ZNF383: variants seen among roughly 807,000 people sequenced by gnomAD.
ZNF383 encodes zinc finger protein 383.
In ZNF383, 32 loss-of-function variants were observed where a neutral mutation model predicts 44.2. The ratio of observed to expected loss-of-function variants is 0.72; its 90% confidence interval spans 0.55 to 0.97. ZNF383 has a LOEUF of 0.97. Among genes scored for constraint, ZNF383 ranks in the 50% least tolerant of loss-of-function variants. The pLI is 0.00. For missense variants in ZNF383, 487 were observed against 562.5 expected, an observed-to-expected ratio of 0.87 and a Z score of 1.36; for synonymous variants, 155 against 186.2, an observed-to-expected ratio of 0.83 and a Z score of 1.36.
At position 37,247,606 on chromosome 19, in the gene ZNF383, C is replaced by T. The variant is rs1188444171; in HGVS notation, c.*3942C>T. The T allele has an allele frequency of 6.6e-6, 1 of 151,708 alleles. No individual in the cohort carries two copies. 9.4% of individuals were successfully genotyped at this position (151,708 alleles called of 1,614,324 possible). ...TTGGGAGGCTGAGGTAGGAGAATGG[C>T]TTGAGGCCAGGAGTTCAAGACCAGT... is the stretch of plus-strand genomic sequence containing the variant. On this transcript the variant is annotated 3_prime_UTR_variant, in exon 6 of 6. Transcript: ENST00000684119.
intron 2 of ZNF383, chr19:37,227,461 C>T (rs1270718712): frequency 6.6e-6 from 1 of 152,218 alleles, no homozygotes; most frequent in East Asian, 1.9e-4. Flanking sequence ...TTGTTAATAT[C>T]ACTATATAAT....
At chr19:37,236,593 C>T (rs1568528682) in intron 5 of ZNF383, among the ~76,000 whole-genome samples, 2 of 146,432 alleles carry the variant, frequency 1.4e-5, no homozygotes, top group African/African-American at 5.1e-5. Context: ...TTTTTTGAGA[C>T]GGAGTCTCGC....
rs542205012 is a variant in ZNF383, at chr19:37,248,566, A to G, written c.*4902A>G. ...ACCAAATAGATGTGGATAGCATGGGATTTTTGGAATACAAGATAAGATAAT... is the reference window on the plus strand; with the variant it reads ...ACCAAATAGATGTGGATAGCATGGGGTTTTTGGAATACAAGATAAGATAAT... On this transcript the variant is annotated 3_prime_UTR_variant, in exon 6 of 6. Transcript: ENST00000684119. 1 of 152,334 alleles carries G rather than the reference A, an allele frequency of 6.6e-6. No individual in the cohort carries two copies. Among genetic ancestry groups the G allele is most frequent in the African/African-American group, 2.4e-5 (1 of 41,580 alleles). The allele number at this position is 152,334 out of a possible 1,614,324, so 9.4% of individuals were successfully genotyped here. A position where few individuals can be genotyped will look rare whatever the true frequency, so the allele number is the denominator to read the frequency against.
chr19:37,230,360 G>C, intron 2 of ZNF383, 49 bp from the exon 3 acceptor site: 1 of 1,345,576 alleles, frequency 7.4e-7, no homozygotes, highest in Non-Finnish European at 1.1e-6. Context: ...GATTTCTAGA[G>C]GGTTTTACTT....
Position 37,236,094 on chromosome 19 carries a change from A to G in ZNF383, c.232+20A>G. ...GTTCAGGTAAGTGAGAAATGACCGG[A>G]CAGGAGAAAGTCACGATAGGTCAGA... On this transcript the variant is annotated intron_variant, in intron 5 of 5. Transcript: ENST00000684119. 1 of 1,603,598 alleles carries G rather than the reference A, an allele frequency of 6.2e-7. No individual in the cohort carries two copies. The highest frequency in any genetic ancestry group is 8.5e-7 in the Non-Finnish European group (1 of 1,172,620).
At chr19:37,221,898 A>G (rs1052973471) in intron 1 of ZNF383, among the ~76,000 whole-genome samples, 14 of 149,668 alleles carry the variant, frequency 9.4e-5, no homozygotes, top group Admixed American at 6.7e-5. Flanking sequence ...GGAGCTTGCA[A>G]TGAGCCAAGA....
At chr19:37,230,304 C>A in intron 2 of ZNF383, 105 bp from the exon 3 acceptor site, 1 of 718,320 alleles carries the variant, frequency 1.4e-6, no homozygotes, top group Non-Finnish European at 2.4e-6. Flanking sequence ...GGAGTTGTAT[C>A]TCAAGACCAA....
In ZNF383 at chr19:37,227,981, A is replaced by G. The variant is rs998795598; in HGVS notation, c.-45-2428A>G. On this transcript the variant is annotated intron_variant, in intron 2 of 5. Transcript: ENST00000684119. ...ACCAGGAGCGTGACCGCTGAAGCAC[A>G]GCATCACAGGAAGACAGGCCTCTGG... Among the ~76,000 whole-genome samples the G allele has an allele frequency of 2.6e-5, 4 of 152,258 alleles. No homozygotes were observed. The East Asian group carries it at 7.7e-4, about 29-fold the overall frequency.
In ZNF383 at chr19:37,242,768, G is replaced by A. The variant is rs752492789; in HGVS notation, c.532G>A (p.Ala178Thr). Residue 178 changes from alanine (A) to threonine (T), a missense_variant, in exon 6 of 6, where the codon GCC (alanine) becomes ACC (threonine). Coordinates refer to ENST00000684119, the MANE Select transcript of ZNF383 (RefSeq NM_001387601.1). ...CTATGAATGTAAGAAATGTGGAAAG[G>A]CCTTTAGTCAGAACTCACAATTTAT... ...RPYECKKCGK[A>T]FSQNSQFIQH... 17 of 1,613,968 alleles carry A rather than the reference G, an allele frequency of 1.1e-5. No individual in the cohort carries two copies. The highest frequency in any genetic ancestry group is 1.4e-5 in the Non-Finnish European group (16 of 1,180,004).
At chr19:37,221,781 T>TAA (rs71177434) in intron 1 of ZNF383, among the ~76,000 whole-genome samples, 24,723 of 136,986 alleles carry the variant, frequency 0.18, 2,272 homozygotes, top group East Asian at 0.26. Flanking sequence ...CGTCTCTACT[T>TAA]AAAAAAAAAA....
rs943700575 is a variant in ZNF383 at position 37,241,890 on chromosome 19, T to C, written c.233-579T>C. Reference sequence around the variant, plus strand: ...ACTTCATGTTACACATATTGTATGATATACTTATCTCTTATGTACACACGC... The same window carrying C: ...ACTTCATGTTACACATATTGTATGACATACTTATCTCTTATGTACACACGC... On this transcript the variant is annotated intron_variant, in intron 5 of 5. Coordinates refer to ENST00000684119, the MANE Select transcript of ZNF383 (RefSeq NM_001387601.1). Among the ~76,000 whole-genome samples, 4 of 150,630 alleles carry C rather than the reference T, an allele frequency of 2.7e-5. No individual in the cohort carries two copies. In the Admixed American group the frequency reaches 2.7e-4, roughly 10 times the overall value.
chr19:37,229,215 C>T (rs1175605379), intron 2 of ZNF383, among the ~76,000 whole-genome samples: 1 of 138,876 alleles, frequency 7.2e-6, no homozygotes, highest in East Asian at 2.1e-4. Context: ...AGTGCAATGG[C>T]GTGATCTCGG....
chr19:37,234,915 A>G (rs1973705742), intron 3 of ZNF383, among the ~76,000 whole-genome samples: 1 of 152,024 alleles, frequency 6.6e-6, no homozygotes, highest in South Asian at 2.1e-4. Flanking sequence ...GCTCTTGTGG[A>G]TTTCGTGAAA....
At chr19:37,238,080 C>T (rs1335922306) in intron 5 of ZNF383, among the ~76,000 whole-genome samples, 1 of 151,844 alleles carries the variant, frequency 6.6e-6, no homozygotes, top group Non-Finnish European at 1.5e-5. Context: ...CCAGGCTGGT[C>T]TCTAACTCCT....
rs1277608470 is a variant in ZNF383 at position 37,246,898 on chromosome 19, T to C, written c.*3234T>C. ...GAAGAGATTATAAAATTTTTTCTAA[T>C]ATTTCCCCCCAAAATGCAGAAAACA... On this transcript the variant is annotated 3_prime_UTR_variant, in exon 6 of 6. Coordinates refer to ENST00000684119, the MANE Select transcript of ZNF383 (RefSeq NM_001387601.1). 1 of 152,142 alleles carries C rather than the reference T, an allele frequency of 6.6e-6. No homozygotes were observed. 9.4% of individuals were successfully genotyped at this position (152,142 alleles called of 1,614,324 possible). A position where few individuals can be genotyped will look rare whatever the true frequency, so the allele number is the denominator to read the frequency against.
At chr19:37,227,131 T>TTTTTTG in intron 2 of ZNF383, among the ~76,000 whole-genome samples, 1 of 143,108 alleles carries the variant, frequency 7.0e-6, no homozygotes, top group Non-Finnish European at 1.5e-5. Context: ...TTTTTTTTTT[T>TTTTTTG]GAGACAGAGC....
intron 2 of ZNF383, among the ~76,000 whole-genome samples, chr19:37,226,896 G>A (rs562452523): frequency 6.6e-6 from 1 of 152,176 alleles, no homozygotes; most frequent in South Asian, 2.1e-4. Context: ...TCAGCTCACT[G>A]CAACCTCCGC....
rs918490683 is a variant in ZNF383 at position 37,244,668 on chromosome 19, T to A, written c.*1004T>A. On this transcript the variant is annotated 3_prime_UTR_variant, in exon 6 of 6. Coordinates refer to ENST00000684119, the MANE Select transcript of ZNF383 (RefSeq NM_001387601.1). Reference sequence around the variant, plus strand: ...TGCTGGGATTACAGGCGTGAGCCACTGCGGCCGGTCTTTTTATTTTACAAA... The same window carrying A: ...TGCTGGGATTACAGGCGTGAGCCACAGCGGCCGGTCTTTTTATTTTACAAA... The A allele has an allele frequency of 6.6e-6, 1 of 152,164 alleles. No homozygotes were observed. Among genetic ancestry groups the A allele is most frequent in the Non-Finnish European group, 1.5e-5 (1 of 68,026 alleles). 9.4% of individuals were successfully genotyped at this position (152,164 alleles called of 1,614,324 possible). A position where few individuals can be genotyped will look rare whatever the true frequency, so the allele number is the denominator to read the frequency against.
At chr19:37,235,710 C>G (rs1973757202) in intron 4 of ZNF383, 35 bp downstream of exon 4, 1 of 1,548,486 alleles carries the variant, frequency 6.5e-7, no homozygotes, top group Non-Finnish European at 8.7e-7. Flanking sequence ...CCCAGTTCTC[C>G]TCTGGAATGT....
Sources: gnomAD v4.1 joint callset for allele counts (sites outside exome capture counted in the v4.1 genomes callset) on GRCh38, gnomAD v4.1.1 for gene constraint, MANE v1.5 for transcripts, NCBI Gene and HGNC (gene_info 2026-07-23, HGNC 2026-07-21) for gene names.